The following MARCHF10 variants were observed in gnomAD, a reference collection of about 807,000 sequenced individuals.
The protein encoded by MARCHF10 is probable E3 ubiquitin-protein ligase MARCHF10.
MARCHF10 carries 64 observed loss-of-function variants against 76.2 expected under a neutral mutation model. The observed-to-expected ratio is 0.84, with a 90% CI of 0.69 to 1.03. The LOEUF (loss-of-function observed/expected upper bound fraction) is 1.03. MARCHF10 is among the 50% of genes least tolerant of loss of function. MARCHF10 has a pLI of 0.00. For synonymous variants in MARCHF10, 340 were observed against 357.5 expected (o/e 0.95, Z 0.55); for missense variants, 875 against 958.0 (o/e 0.91, Z 1.14).
intron 8 of MARCHF10, among the ~76,000 whole-genome samples, chr17:62,718,683 A>G (rs564776006): frequency 1.2e-3 from 177 of 152,272 alleles, no homozygotes; most frequent in Middle Eastern, 3.4e-3. Context: ...GGTTTCTTTC[A>G]GTATTTCGCC....
intron 1 of MARCHF10, chr17:62,804,893 T>A (rs2093138790): frequency 6.6e-6 from 1 of 152,186 alleles, no homozygotes; most frequent in Non-Finnish European, 1.5e-5. Context: ...ACAGGCGACA[T>A]CTCTACCTTC....
rs567796772 is a variant in MARCHF10, at chr17:62,737,112, C to G, written c.756G>C (p.Ser252=). The G allele has an allele frequency of 6.2e-7, 1 of 1,614,062 alleles. No homozygotes were observed. Among genetic ancestry groups the G allele is most frequent in the South Asian group, 1.1e-5 (1 of 91,064 alleles). The change falls in exon 6 of 11, where the codon TCG becomes TCC. Residue 252 remains serine (S), a synonymous_variant. Coordinates refer to ENST00000311269, the MANE Select transcript of MARCHF10 (RefSeq NM_152598.4). Reference sequence around the variant, plus strand: ...CAGTGGTGGGTGTGAGTGGTGGCCCCGAGAACTCACTCAATACTTGAGGAC... The same window carrying G: ...CAGTGGTGGGTGTGAGTGGTGGCCCGGAGAACTCACTCAATACTTGAGGAC... ...KNSPQVLSEF[S]GPPLTPTTVG...
chr17:62,709,295 C>A (rs1268267013), intron 9 of MARCHF10, among the ~76,000 whole-genome samples: 1 of 152,134 alleles, frequency 6.6e-6, no homozygotes, highest in Non-Finnish European at 1.5e-5. Context: ...GCCTGACCAA[C>A]ATGGTGAAAC....
intron 2 of MARCHF10, among the ~76,000 whole-genome samples, chr17:62,796,292 T>C (rs961360971): frequency 3.3e-5 from 5 of 152,132 alleles, no homozygotes; most frequent in African/African-American, 9.7e-5. Context: ...GCGCCCGGCC[T>C]ACATCATGCA....
At position 62,763,054 on chromosome 17, in the gene MARCHF10, T is replaced by C. The variant is rs138948761; in HGVS notation, c.211-3048A>G. 1.7e-3 allele frequency among the ~76,000 whole-genome samples: 266 copies of C among 152,324 alleles called. 4 individuals carry two copies. Among genetic ancestry groups the C allele is most frequent in the East Asian group, 9.7e-4 (5 of 5,180 alleles). ...GATCTCAGATTTCATTTGTGAACAA[T>C]AGTATCTACCTTTTGGTGGTTTTGT... On this transcript the variant is annotated intron_variant, in intron 3 of 10. Transcript: ENST00000311269.
intron 3 of MARCHF10, among the ~76,000 whole-genome samples, chr17:62,786,857 T>C (rs1008742295): frequency 1.1e-4 from 16 of 152,204 alleles, no homozygotes; most frequent in African/African-American, 3.9e-4. Flanking sequence ...AGCCTCTGCA[T>C]GAAAGTTCCC....
intron 3 of MARCHF10, among the ~76,000 whole-genome samples, chr17:62,761,764 C>T (rs1974597): frequency 0.5 from 75,461 of 151,964 alleles, 20,286 homozygotes; most frequent in East Asian, 0.7. Flanking sequence ...GTTCTCTATT[C>T]TCAGAAAAGA....
chr17:62,701,614 A>C lies in MARCHF10; in HGVS notation c.*89T>G, dbSNP rs921873382. 1.9e-6 allele frequency: 3 copies of C among 1,607,318 alleles called. No homozygotes were observed. The highest frequency in any genetic ancestry group is 1.3e-5 in the African/African-American group (1 of 74,838). On this transcript the variant is annotated 3_prime_UTR_variant, in exon 11 of 11. Transcript: ENST00000311269. The stretch of plus-strand genomic sequence containing the variant: ...TGAACGCTTTGGTTTCAGTTTCAGT[A>C]AAGAGGAGGAGGGAGGGAGGCACTT...
At chr17:62,743,086 T>C (rs2091574777) in intron 5 of MARCHF10, among the ~76,000 whole-genome samples, 1 of 152,170 alleles carries the variant, frequency 6.6e-6, no homozygotes, top group South Asian at 2.1e-4. Context: ...TGCAATGAGG[T>C]AGATTTCATT....
intron 8 of MARCHF10, among the ~76,000 whole-genome samples, chr17:62,722,061 T>C (rs1419804776): frequency 6.6e-6 from 1 of 151,866 alleles, no homozygotes; most frequent in Non-Finnish European, 1.5e-5. Flanking sequence ...GGCAGACAGA[T>C]CACTTGAGAT....
chr17:62,743,469 C>T (rs1266429011), intron 5 of MARCHF10, among the ~76,000 whole-genome samples: 3 of 152,038 alleles, frequency 2.0e-5, no homozygotes, highest in Admixed American at 1.3e-4. Flanking sequence ...ATGGTGAAAC[C>T]CTGTCTCTAC....
chr17:62,715,403 T>C (rs78626807), intron 8 of MARCHF10, among the ~76,000 whole-genome samples: 2,284 of 152,362 alleles, frequency 0.015, 68 homozygotes, highest in African/African-American at 0.053. Context: ...TCTGTGGTAT[T>C]TGAGTGTGTA....
chr17:62,765,225 G>A (rs527411851), intron 3 of MARCHF10, among the ~76,000 whole-genome samples: 10 of 152,030 alleles, frequency 6.6e-5, no homozygotes, highest in Middle Eastern at 3.4e-3. Flanking sequence ...AGTGGCATGC[G>A]CCTGTAATTC....
intron 6 of MARCHF10, among the ~76,000 whole-genome samples, chr17:62,730,778 C>G (rs1448070440): frequency 6.6e-6 from 1 of 152,072 alleles, no homozygotes; most frequent in Non-Finnish European, 1.5e-5. Context: ...CCTGTATTCC[C>G]AGCTACTCGG....
At chr17:62,746,340 A>G (rs2091701553) in intron 4 of MARCHF10, among the ~76,000 whole-genome samples, 1 of 152,090 alleles carries the variant, frequency 6.6e-6, no homozygotes, top group South Asian at 2.1e-4. Context: ...GTGTGAAAGG[A>G]GAGAGTGAAA....
intron 6 of MARCHF10, among the ~76,000 whole-genome samples, chr17:62,730,013 C>T (rs188911087): frequency 6.6e-6 from 1 of 152,190 alleles, no homozygotes; most frequent in African/African-American, 2.4e-5. Flanking sequence ...GAAGCCCCGT[C>T]TCTACTAAAA....
At chr17:62,706,357 CT>C (rs1335586028) in intron 9 of MARCHF10, 1 of 152,212 alleles carries the variant, frequency 6.6e-6, no homozygotes, top group African/African-American at 2.4e-5. Context: ...GGGCTAGCCA[CT>C]GCCTCCGTTT....
intron 2 of MARCHF10, among the ~76,000 whole-genome samples, chr17:62,789,749 C>T (rs2092811446): frequency 6.6e-6 from 1 of 151,998 alleles, no homozygotes; most frequent in Non-Finnish European, 1.5e-5. Context: ...ACCAACCTGG[C>T]CAACATAGTG....
chr17:62,793,980 T>TCAC (rs1181934196), intron 2 of MARCHF10, among the ~76,000 whole-genome samples: 64 of 116,244 alleles, frequency 5.5e-4, no homozygotes, highest in African/African-American at 2.0e-3. Context: ...ACCACTTCCA[T>TCAC]CACCACCACC....
Sources: allele counts gnomAD v4.1 joint callset (sites outside exome capture counted in the v4.1 genomes callset), GRCh38; gene constraint gnomAD v4.1.1; transcripts MANE v1.5; gene names NCBI Gene and HGNC (gene_info 2026-07-23, HGNC 2026-07-21).